The following KLHL21 variants were observed in gnomAD, a reference collection of about 807,000 sequenced individuals.
The protein encoded by KLHL21 is kelch like family member 21.
Under a neutral mutation model 44.1 loss-of-function variants are expected in KLHL21, and 42 were observed. The observed-to-expected ratio is 0.95, with a 90% CI of 0.74 to 1.23. The LOEUF (loss-of-function observed/expected upper bound fraction) is 1.23, where lower values mean the gene tolerates loss of function less well. KLHL21 is among the 50% of genes most tolerant of loss of function. KLHL21 has a pLI of 0.00. For missense variants in KLHL21, 918 were observed against 889.1 expected (o/e 1.03, Z -0.41); for synonymous variants, 524 against 411.6 (o/e 1.27, Z -3.31).
Position 6,602,363 on chromosome 1 carries a change from C to G in KLHL21, c.455G>C (p.Gly152Ala), listed in dbSNP as rs745511675. ...QDFAEAFSCSGLASAAQRFIL... is the reference protein window; with the variant it reads ...QDFAEAFSCSALASAAQRFIL... ...GAACCGCTGCGCCGCGCTCGCCAGT[C>G]CCGAGCAGCTGAAGGCCTCAGCGAA... The change falls in exon 1 of 4, where the codon GGA becomes GCA. Residue 152 changes from glycine to alanine, a missense_variant. By Grantham distance (60) the Gly-to-Ala change is moderately conservative. Coordinates refer to ENST00000377658, the MANE Select transcript of KLHL21 (RefSeq NM_014851.4). 1 of 1,578,194 alleles carries G rather than the reference C, an allele frequency of 6.3e-7. No homozygotes were observed. Among genetic ancestry groups the G allele is most frequent in the East Asian group, 2.3e-5 (1 of 42,666 alleles).
chr1:6,601,717 C>A lies in KLHL21; in HGVS notation c.1021+80G>T, dbSNP rs552826194. On this transcript the variant is annotated intron_variant, in intron 1 of 3. Transcript: ENST00000377658. ...CGCCCCTAGGATTCCAGGCTCTGTG[C>A]GCTTCCCCCGCGAATAGCTGGGCTC... is the stretch of plus-strand genomic sequence containing the variant. The A allele has an allele frequency of 4.6e-5, 67 of 1,462,788 alleles. No homozygotes were observed. The South Asian group carries it at 8.8e-4, about 19-fold the overall frequency. 90.6% of individuals were successfully genotyped at this position (1,462,788 alleles called of 1,614,324 possible).
intron 3 of KLHL21, chr1:6,594,328 C>G (rs1168906865): frequency 6.5e-6 from 1 of 152,928 alleles, no homozygotes; most frequent in African/African-American, 2.4e-5. Flanking sequence ...GGCTGGGCAC[C>G]CCTCTTCTCA....
rs1640875295 is a variant in KLHL21 at position 6,593,159 on chromosome 1, T to C, written c.*206A>G. On this transcript the variant is annotated 3_prime_UTR_variant, in exon 4 of 4. Transcript: ENST00000377658. The stretch of plus-strand genomic sequence containing the variant: ...GGCAGGAAAGTGGCTCTTCCTCAAC[T>C]GCAGGGAGGGCGTTCCCGACGGCCT... 1 of 553,834 alleles carries C rather than the reference T, an allele frequency of 1.8e-6. No individual in the cohort carries two copies. Among genetic ancestry groups the C allele is most frequent in the Non-Finnish European group, 3.2e-6 (1 of 316,864 alleles). 34.3% of individuals were successfully genotyped at this position (553,834 alleles called of 1,614,324 possible).
chr1:6,592,292 G>C lies in KLHL21; in HGVS notation c.*1073C>G, dbSNP rs1038302724. On this transcript the variant is annotated 3_prime_UTR_variant, in exon 4 of 4. Coordinates refer to ENST00000377658, the MANE Select transcript of KLHL21 (RefSeq NM_014851.4). The stretch of plus-strand genomic sequence containing the variant: ...TCTAAATGCCCTCTTCTCTAAAAAG[G>C]AGGCAAGGACAAAAACTCAAGCCAA... The C allele has an allele frequency of 6.6e-6, 1 of 152,214 alleles. No individual in the cohort carries two copies. Among genetic ancestry groups the C allele is most frequent in the Non-Finnish European group, 1.5e-5 (1 of 68,040 alleles). 9.4% of individuals were successfully genotyped at this position (152,214 alleles called of 1,614,324 possible). A position where few individuals can be genotyped will look rare whatever the true frequency, so the allele number is the denominator to read the frequency against.
At position 6,599,264 on chromosome 1, in the gene KLHL21, C is replaced by T. The variant is rs367630698; in HGVS notation, c.1210G>A (p.Ala404Thr). The part of the protein sequence containing the change: ...RYDHTTDSWE[A>T]LQPMTYPMDN... ...ATGGGGTAGGTCATGGGCTGCAGGG[C>T]CTCCCAGGAGTCAGTGGTGTGGTCA... is the stretch of plus-strand genomic sequence containing the variant. Residue 404 changes from alanine to threonine, a missense_variant, in exon 2 of 4, where the codon GCC becomes ACC. Ala to Thr is a moderately conservative substitution (Grantham distance 58). Transcript: ENST00000377658. 6.2e-7 allele frequency: 1 copy of T among 1,613,952 alleles called. No homozygotes were observed. The highest frequency in any genetic ancestry group is 8.5e-7 in the Non-Finnish European group (1 of 1,180,014).
intron 3 of KLHL21, chr1:6,594,051 C>T: frequency 3.9e-6 from 4 of 1,027,050 alleles, no homozygotes; most frequent in Non-Finnish European, 4.7e-6. Context: ...GGGCTCTGAA[C>T]CGCGAGGCTG....
chr1:6,598,215 G>A (rs1013515284), intron 2 of KLHL21, among the ~76,000 whole-genome samples: 3 of 152,152 alleles, frequency 2.0e-5, no homozygotes, highest in Non-Finnish European at 2.9e-5. Context: ...TGAGACGATT[G>A]TTTGAAGCTA....
intron 3 of KLHL21, chr1:6,594,607 G>A (rs1256269872): frequency 6.6e-6 from 1 of 152,286 alleles, no homozygotes; most frequent in Non-Finnish European, 1.5e-5. Context: ...TCGGGAGGTT[G>A]AGGCGGGAGA....
chr1:6,595,207 A>G (rs1640907618), intron 3 of KLHL21: 1 of 598,782 alleles, frequency 1.7e-6, no homozygotes, highest in East Asian at 2.8e-5. Context: ...AGATGACTGT[A>G]TGCCTTGCTC....
In KLHL21 at chr1:6,593,364, G is replaced by C; in HGVS notation, c.*1C>G. 1.3e-6 allele frequency: 2 copies of C among 1,585,416 alleles called. No homozygotes were observed. Among genetic ancestry groups the C allele is most frequent in the South Asian group, 2.2e-5 (2 of 89,232 alleles). On this transcript the variant is annotated 3_prime_UTR_variant, in exon 4 of 4. Transcript: ENST00000377658. ...GAGGCCCGTGCCGGGCCAGACTGGG[G>C]CTAGTGCAGCTCATCGGGGTCCCGC...
At position 6,602,849 on chromosome 1, in the gene KLHL21, G is replaced by A. The variant is rs1385865419; in HGVS notation, c.-32C>T. The A allele has an allele frequency of 1.0e-5, 14 of 1,394,862 alleles. No homozygotes were observed. The highest frequency in any genetic ancestry group is 1.2e-5 in the Non-Finnish European group (13 of 1,083,986). 86.4% of individuals were successfully genotyped at this position (1,394,862 alleles called of 1,614,324 possible). ...TTCGATAGGTTGTCGAGGACGCCGCGGCCGGGGCCTGCGGAGAGACGCGGC... is the reference window on the plus strand; with the variant it reads ...TTCGATAGGTTGTCGAGGACGCCGCAGCCGGGGCCTGCGGAGAGACGCGGC... On this transcript the variant is annotated 5_prime_UTR_variant, in exon 1 of 4. Coordinates refer to ENST00000377658, the MANE Select transcript of KLHL21 (RefSeq NM_014851.4).
chr1:6,596,100 T>C (rs1169661079), intron 2 of KLHL21, among the ~76,000 whole-genome samples: 2 of 152,234 alleles, frequency 1.3e-5, no homozygotes, highest in Non-Finnish European at 2.9e-5. Context: ...AGGCACAGCC[T>C]TGAAAAGCAA....
rs540174699 is a variant in KLHL21, at chr1:6,591,370, T to C, written c.*1995A>G. The C allele has an allele frequency of 1.0e-3, 214 of 214,982 alleles. No homozygotes were observed. Among genetic ancestry groups the C allele is most frequent in the African/African-American group, 4.5e-3 (198 of 43,754 alleles). The allele number at this position is 214,982 out of a possible 1,614,324, so 13.3% of individuals were successfully genotyped here. A position where few individuals can be genotyped will look rare whatever the true frequency, so the allele number is the denominator to read the frequency against. Reference sequence around the variant, plus strand: ...CGACACAAGCCTGGAGTACGGCAGCTGCCAACCACAGCAAAGCCGCAAAAA... The same window carrying C: ...CGACACAAGCCTGGAGTACGGCAGCCGCCAACCACAGCAAAGCCGCAAAAA... On this transcript the variant is annotated 3_prime_UTR_variant, in exon 4 of 4. Coordinates refer to ENST00000377658, the MANE Select transcript of KLHL21 (RefSeq NM_014851.4).
Position 6,602,438 on chromosome 1 carries a change from G to GC in KLHL21, c.379dup (p.Ala127GlyfsTer20), listed in dbSNP as rs1553121963. 1.9e-6 allele frequency: 3 copies of GC among 1,590,622 alleles called. No individual in the cohort carries two copies. The highest frequency in any genetic ancestry group is 1.7e-6 in the Non-Finnish European group (2 of 1,173,746). On this transcript the variant is annotated frameshift_variant, in exon 1 of 4. Coordinates refer to ENST00000377658, the MANE Select transcript of KLHL21 (RefSeq NM_014851.4). LOFTEE classifies it high-confidence loss of function. ...CAGGTCGAGCTGCTGCTGCAGGAAG[G>GC]CCCCGCACGCCTCCTTCACGGCCGG...
intron 2 of KLHL21, among the ~76,000 whole-genome samples, chr1:6,596,662 CCT>C (rs994394382): frequency 6.6e-5 from 10 of 152,260 alleles, no homozygotes; most frequent in African/African-American, 1.9e-4. Flanking sequence ...GTTTGTGGGC[CCT>C]GTGGTGGTGG....
intron 3 of KLHL21, 151 bp downstream of exon 3, chr1:6,595,332 TAA>T (rs1640909040): frequency 1.4e-6 from 1 of 729,670 alleles, no homozygotes; most frequent in Admixed American, 2.0e-5. Flanking sequence ...CAGTGAGCCT[TAA>T]GTGCAAAATA....
At position 6,601,912 on chromosome 1, in the gene KLHL21, G is replaced by A. The variant is rs1641027487; in HGVS notation, c.906C>T (p.Val302=). Residue 302 remains valine (V), a synonymous_variant, in exon 1 of 4, where the codon GTC becomes GTT. Transcript: ENST00000377658. The stretch of plus-strand genomic sequence containing the variant: ...TCTGCGGGTTGTAGCAGTCGACAGT[G>A]ACCAGCTCGTCACAGTCCTGGTCGC... The part of the protein sequence containing the change: ...GGCDQDCDEL[V]TVDCYNPQTG... The A allele has an allele frequency of 6.4e-7, 1 of 1,564,238 alleles. No individual in the cohort carries two copies. The highest frequency in any genetic ancestry group is 8.7e-7 in the Non-Finnish European group (1 of 1,155,084).
Position 6,593,208 on chromosome 1 carries a change from G to A in KLHL21, c.*157C>T, listed in dbSNP as rs1465608590. On this transcript the variant is annotated 3_prime_UTR_variant, in exon 4 of 4. Coordinates refer to ENST00000377658, the MANE Select transcript of KLHL21 (RefSeq NM_014851.4). Reference sequence around the variant, plus strand: ...CTCTGATTCAGGCTCTCAAGGTACAGAAACCTTCCAGGTAATGGATCCTGG... The same window carrying A: ...CTCTGATTCAGGCTCTCAAGGTACAAAAACCTTCCAGGTAATGGATCCTGG... 1.3e-6 allele frequency: 1 copy of A among 768,242 alleles called. No individual in the cohort carries two copies. The highest frequency in any genetic ancestry group is 1.7e-5 in the African/African-American group (1 of 57,342). The allele number at this position is 768,242 out of a possible 1,614,324, so 47.6% of individuals were successfully genotyped here.
chr1:6,596,974 CCAAAGTGCGCAGA>C (rs1305838718), intron 2 of KLHL21, among the ~76,000 whole-genome samples: 8 of 152,238 alleles, frequency 5.3e-5, no homozygotes. Flanking sequence ...TCTTGAAGAG[CCAAAGTGCGCAGA>C]CAAAGTGACA....
Sources: allele counts gnomAD v4.1 joint callset (sites outside exome capture counted in the v4.1 genomes callset), GRCh38; gene constraint gnomAD v4.1.1; transcripts MANE v1.5; gene names NCBI Gene and HGNC (gene_info 2026-07-23, HGNC 2026-07-21).